The following SLC24A2 variants were observed in gnomAD, a reference collection of about 807,000 sequenced individuals.
SLC24A2 encodes sodium/potassium/calcium exchanger 2.
A neutral mutation model predicts 62.0 loss-of-function variants in SLC24A2; 36 were observed. The observed-to-expected ratio is 0.58, with a 90% CI of 0.44 to 0.77. The LOEUF is 0.77. Among genes scored for constraint, SLC24A2 ranks in the 30% least tolerant of loss-of-function variants. The pLI is 0.00. For synonymous variants in SLC24A2, 358 were observed against 294.0 expected (o/e 1.22, Z -2.23); for missense variants, 846 against 817.9 (o/e 1.03, Z -0.42).
chr9:19,542,615 G>GAA (rs1834332239), intron 8 of SLC24A2, among the ~76,000 whole-genome samples: 1 of 152,144 alleles, frequency 6.6e-6, no homozygotes, highest in Non-Finnish European at 1.5e-5. Context: ...TTCAATCAGT[G>GAA]CCTACTTTAT....
the SLC24A2 span, among the ~76,000 whole-genome samples, chr9:20,142,202 A>C: frequency 6.6e-6 from 1 of 152,178 alleles, no homozygotes. Flanking sequence ...GGCTCTTCGA[A>C]GAGTTCTGCA....
chr9:20,051,428 A>G, the SLC24A2 span, among the ~76,000 whole-genome samples: 1 of 152,104 alleles, frequency 6.6e-6, no homozygotes, highest in Non-Finnish European at 1.5e-5. Context: ...TCAGTATTTG[A>G]TAGAACAGAC....
chr9:20,241,707 G>A, the SLC24A2 span, among the ~76,000 whole-genome samples: 6 of 152,102 alleles, frequency 3.9e-5, no homozygotes, highest in Non-Finnish European at 5.9e-5. Flanking sequence ...CAGTGCTAAA[G>A]GGACCATAAG....
the SLC24A2 span, among the ~76,000 whole-genome samples, chr9:19,951,861 A>T: frequency 6.6e-6 from 1 of 152,128 alleles, no homozygotes; most frequent in African/African-American, 2.4e-5. Context: ...CATCAATTTC[A>T]TCTCTTACAA....
In SLC24A2 at chr9:19,657,214, C is replaced by T. The variant is rs112071036; in HGVS notation, c.931-34915G>A. Among the ~76,000 whole-genome samples the T allele has an allele frequency of 3.2e-3, 492 of 152,224 alleles. 2 individuals are homozygous for T. Among genetic ancestry groups the T allele is most frequent in the African/African-American group, 0.011 (445 of 41,548 alleles). On this transcript the variant is annotated intron_variant, in intron 2 of 10. Coordinates refer to ENST00000341998, the MANE Select transcript of SLC24A2 (RefSeq NM_020344.4). ...TGGTGCATCTGTCGTGTATTGAGTG[C>T]TACGCTTTAGGTGGAAACTCAACCT...
chr9:19,642,968 C>T (rs1226837899), intron 2 of SLC24A2, among the ~76,000 whole-genome samples: 1 of 147,078 alleles, frequency 6.8e-6, no homozygotes, highest in Non-Finnish European at 1.5e-5. Context: ...GCGTGAGCCA[C>T]CGTGCCTGGC....
chr9:19,947,790 C>CAAAA, the SLC24A2 span, among the ~76,000 whole-genome samples: 2 of 84,980 alleles, frequency 2.4e-5, no homozygotes, highest in African/African-American at 4.3e-5. Flanking sequence ...GACTCTGTCT[C>CAAAA]AAAAAAAAAA....
At chr9:19,798,052 T>G in the SLC24A2 span, among the ~76,000 whole-genome samples, 2 of 152,216 alleles carry the variant, frequency 1.3e-5, no homozygotes, top group East Asian at 3.8e-4. Context: ...AGTTCTTTCC[T>G]GGAGACTGTA....
chr9:19,750,993 C>G (rs183581738), intron 2 of SLC24A2, among the ~76,000 whole-genome samples: 1 of 152,202 alleles, frequency 6.6e-6, no homozygotes. Flanking sequence ...TTAGCTGCAC[C>G]CCTAGTTTGT....
chr9:20,013,847 T>A, the SLC24A2 span, among the ~76,000 whole-genome samples: 1 of 152,152 alleles, frequency 6.6e-6, no homozygotes, highest in Admixed American at 6.5e-5. Flanking sequence ...TCGCTAATCA[T>A]AAGGGAATTG....
chr9:19,731,344 C>T (rs138904306), intron 2 of SLC24A2, among the ~76,000 whole-genome samples: 1 of 152,074 alleles, frequency 6.6e-6, no homozygotes, highest in East Asian at 1.9e-4. Flanking sequence ...GTGTACCAAC[C>T]CCACCCACAT....
intron 2 of SLC24A2, among the ~76,000 whole-genome samples, chr9:19,771,893 G>A (rs922883885): frequency 2.0e-5 from 3 of 152,124 alleles, no homozygotes; most frequent in Non-Finnish European, 2.9e-5. Context: ...CCTAGGGCAT[G>A]GAATGGGAGG....
the SLC24A2 span, among the ~76,000 whole-genome samples, chr9:19,812,972 T>G: frequency 6.6e-6 from 1 of 152,224 alleles, no homozygotes; most frequent in African/African-American, 2.4e-5. Flanking sequence ...GCCTCTTAGC[T>G]GAAAACTCTG....
At chr9:20,215,687 T>C in the SLC24A2 span, among the ~76,000 whole-genome samples, 2 of 152,184 alleles carry the variant, frequency 1.3e-5, no homozygotes, top group East Asian at 1.9e-4. Context: ...TGACTTCAGC[T>C]GTCACCCTTG....
chr9:19,728,075 G>T (rs75118964), intron 2 of SLC24A2, among the ~76,000 whole-genome samples: 2 of 152,144 alleles, frequency 1.3e-5, no homozygotes, highest in African/African-American at 4.8e-5. Flanking sequence ...AGTGGGATTA[G>T]GTGTGTCGGC....
chr9:19,959,814 C>T, the SLC24A2 span, among the ~76,000 whole-genome samples: 6 of 152,146 alleles, frequency 3.9e-5, no homozygotes, highest in African/African-American at 1.2e-4. Flanking sequence ...GAAGTTTACA[C>T]GATCTCACTC....
chr9:19,918,182 A>G, the SLC24A2 span, among the ~76,000 whole-genome samples: 3 of 151,830 alleles, frequency 2.0e-5, no homozygotes, highest in East Asian at 1.9e-4. Context: ...ATACATACAC[A>G]TATATGTATT....
chr9:19,802,920 A>G, the SLC24A2 span, among the ~76,000 whole-genome samples: 4,160 of 152,154 alleles, frequency 0.027, 56 homozygotes, highest in Middle Eastern at 0.038. Flanking sequence ...CCCCTCATGA[A>G]TGGGATTAGT....
chr9:19,605,508 C>T (rs915729706), intron 4 of SLC24A2, among the ~76,000 whole-genome samples: 1 of 152,138 alleles, frequency 6.6e-6, no homozygotes, highest in East Asian at 1.9e-4. Context: ...CAATGAGAAG[C>T]TGATGAATAG....
Sources: allele counts gnomAD v4.1 joint callset (sites outside exome capture counted in the v4.1 genomes callset), GRCh38; gene constraint gnomAD v4.1.1; transcripts MANE v1.5; gene names NCBI Gene and HGNC (gene_info 2026-07-23, HGNC 2026-07-21).